ALG6: variants seen among roughly 807,000 people sequenced by gnomAD.
ALG6 encodes dolichyl pyrophosphate Man9GlcNAc2 alpha-1,3-glucosyltransferase.
A neutral mutation model predicts 66.6 loss-of-function variants in ALG6; 46 were observed. That is an observed-to-expected ratio of 0.69 (90% CI 0.55 to 0.88). ALG6 has a LOEUF of 0.88. Among genes scored for constraint, ALG6 ranks in the 40% least tolerant of loss-of-function variants. The probability of loss-of-function intolerance (pLI) is 0.00; values close to 1 mark genes in which losing one functional copy is unlikely to be tolerated. For missense variants in ALG6, 505 were observed against 586.8 expected (o/e 0.86, Z 1.44); for synonymous variants, 185 against 203.7 (o/e 0.91, Z 0.78).
At chr1:63,395,154 G>A (rs572602539) in intron 2 of ALG6, among the ~76,000 whole-genome samples, 2 of 152,136 alleles carry the variant, frequency 1.3e-5, no homozygotes, top group Admixed American at 6.6e-5. Context: ...GTGAGCCTCC[G>A]CGCCTGGCCA....
intron 7 of ALG6, 107 bp from the exon 8 acceptor site, chr1:63,411,039 A>G (rs1644513097): frequency 6.6e-6 from 7 of 1,064,278 alleles, no homozygotes; most frequent in Non-Finnish European, 4.2e-6. Context: ...CATAAGAGAT[A>G]TGCTATGAGC....
chr1:63,425,067 A>G (rs1416841043), intron 12 of ALG6, among the ~76,000 whole-genome samples: 1 of 152,192 alleles, frequency 6.6e-6, no homozygotes, highest in African/African-American at 2.4e-5. Flanking sequence ...GGCGTGAGCC[A>G]CTGTGCCCAG....
In ALG6 at chr1:63,402,296, G is replaced by T. The variant is rs771978951; in HGVS notation, c.210G>T (p.Leu70Phe). Residue 70 changes from leucine (L) to phenylalanine (F), a missense_variant, in exon 4 of 15, where the codon TTG (leucine) becomes TTT (phenylalanine). Physicochemically the swap from Leu to Phe is conservative, Grantham distance 22 (BLOSUM62 0). Coordinates refer to ENST00000263440, the MANE Select transcript of ALG6 (RefSeq NM_013339.4). ...ATAACAATTTACAGTATTGGGGATT[G>T]GATTACCCACCTCTTACAGCTTATC... Reference protein sequence around the residue: ...SSDNNLQYWGLDYPPLTAYHS... With the variant: ...SSDNNLQYWGFDYPPLTAYHS... 6.2e-7 allele frequency: 1 copy of T among 1,611,990 alleles called. No homozygotes were observed. Among genetic ancestry groups the T allele is most frequent in the East Asian group, 2.2e-5 (1 of 44,804 alleles).
intron 7 of ALG6, among the ~76,000 whole-genome samples, chr1:63,409,477 CT>C (rs139910074): frequency 1.3e-5 from 2 of 152,198 alleles, no homozygotes; most frequent in East Asian, 3.9e-4. Context: ...TTTTGCATCC[CT>C]TTCTCTTTTG....
Position 63,438,480 on chromosome 1 carries a change from TATAA to T in ALG6, c.*1465_*1468del, listed in dbSNP as rs1557600653. ...TGACTTAGATAAATGATGAGGAAGT[TATAA>T]ATAATTGGAGTAGCATAACTTTATT... On this transcript the variant is annotated 3_prime_UTR_variant, in exon 15 of 15. Transcript: ENST00000263440. 6.6e-6 allele frequency: 1 copy of T among 152,198 alleles called. No individual in the cohort carries two copies. Among genetic ancestry groups the T allele is most frequent in the Non-Finnish European group, 1.5e-5 (1 of 68,038 alleles). 9.4% of individuals were successfully genotyped at this position (152,198 alleles called of 1,614,324 possible).
intron 1 of ALG6, 62 bp from the exon 2 acceptor site, chr1:63,370,709 T>A (rs1647894378): frequency 2.4e-6 from 1 of 424,744 alleles, no homozygotes; most frequent in Non-Finnish European, 4.3e-6. Flanking sequence ...CTTGGTTTAC[T>A]GGGTTCATTG....
At chr1:63,373,788 T>C (rs1437706442) in intron 2 of ALG6, among the ~76,000 whole-genome samples, 1 of 151,264 alleles carries the variant, frequency 6.6e-6, no homozygotes, top group Admixed American at 6.6e-5. Context: ...GTCTGGCTAA[T>C]TGTTTTGATT....
intron 2 of ALG6, among the ~76,000 whole-genome samples, chr1:63,376,281 A>G (rs1248091863): frequency 6.6e-6 from 1 of 152,240 alleles, no homozygotes; most frequent in Admixed American, 6.5e-5. Context: ...AAACATAGAT[A>G]AGGTGCAGTT....
chr1:63,398,391 A>G (rs895613894), intron 3 of ALG6, among the ~76,000 whole-genome samples: 1 of 152,246 alleles, frequency 6.6e-6, no homozygotes, highest in African/African-American at 2.4e-5. Context: ...ACCCTGACCA[A>G]CATTTAGTAA....
chr1:63,393,042 T>C (rs1648718544), intron 2 of ALG6, among the ~76,000 whole-genome samples: 1 of 152,186 alleles, frequency 6.6e-6, no homozygotes, highest in Non-Finnish European at 1.5e-5. Context: ...TCTAGATAGT[T>C]GGATTTCTTC....
chr1:63,370,114 G>A (rs903113105), intron 1 of ALG6, among the ~76,000 whole-genome samples: 3 of 151,378 alleles, frequency 2.0e-5, no homozygotes, highest in Non-Finnish European at 2.9e-5. Context: ...CACCGCAACC[G>A]GCATCAATTT....
chr1:63,396,388 G>T (rs1648826534), intron 2 of ALG6, 125 bp from the exon 3 acceptor site: 1 of 801,384 alleles, frequency 1.2e-6, no homozygotes, highest in East Asian at 2.6e-5. Context: ...GACTTTCTCG[G>T]TAACTCCTGT....
rs121908444 is a variant in ALG6 at position 63,436,928 on chromosome 1, T to C, written c.1432T>C (p.Ser478Pro). 1.2e-6 allele frequency: 2 copies of C among 1,613,936 alleles called. No homozygotes were observed. Among genetic ancestry groups the C allele is most frequent in the Non-Finnish European group, 1.7e-6 (2 of 1,179,822 alleles). The change falls in exon 15 of 15, where the codon TCT (serine) becomes CCT (proline). Residue 478 changes from serine to proline, a missense_variant. Transcript: ENST00000263440. ...DLFSVLVCFV[S>P]CLNFLFFLVY... ...GTTTTCTGTATTGGTGTGTTTTGTA[T>C]CTTGCTTGAACTTCCTGTTCTTCTT...
At chr1:63,402,820 G>T (rs1257940987) in intron 4 of ALG6, among the ~76,000 whole-genome samples, 2 of 151,292 alleles carry the variant, frequency 1.3e-5, no homozygotes, top group Non-Finnish European at 3.0e-5. Context: ...CTATTGGCTG[G>T]GAGTGGTGGC....
chr1:63,381,612 T>C (rs923366989), intron 2 of ALG6, among the ~76,000 whole-genome samples: 6 of 148,094 alleles, frequency 4.1e-5, no homozygotes, highest in Non-Finnish European at 8.9e-5. Flanking sequence ...ACCACTGGAC[T>C]CCAGCCTGGG....
At chr1:63,381,660 A>G (rs942328475) in intron 2 of ALG6, among the ~76,000 whole-genome samples, 6 of 117,210 alleles carry the variant, frequency 5.1e-5, no homozygotes, top group Non-Finnish European at 6.9e-5. Flanking sequence ...AAAGAAAAGA[A>G]GGAAGGGAGG....
chr1:63,379,582 G>A (rs538617022), intron 2 of ALG6, among the ~76,000 whole-genome samples: 1 of 152,170 alleles, frequency 6.6e-6, no homozygotes, highest in East Asian at 1.9e-4. Context: ...GACCACCAGA[G>A]ATCATTGGAT....
At chr1:63,398,495 C>T (rs575263727) in intron 3 of ALG6, among the ~76,000 whole-genome samples, 4 of 152,090 alleles carry the variant, frequency 2.6e-5, no homozygotes, top group Non-Finnish European at 4.4e-5. Flanking sequence ...TTTTTTGAGA[C>T]GGAGTCTCGC....
chr1:63,435,763 T>C (rs1367380293), intron 14 of ALG6, among the ~76,000 whole-genome samples: 1 of 148,416 alleles, frequency 6.7e-6, no homozygotes, highest in African/African-American at 2.6e-5. Context: ...ATTCTGTTCC[T>C]CAGTCACAGT....
Sources: gnomAD v4.1 joint callset for allele counts (sites outside exome capture counted in the v4.1 genomes callset) on GRCh38, gnomAD v4.1.1 for gene constraint, MANE v1.5 for transcripts, NCBI Gene and HGNC (gene_info 2026-07-23, HGNC 2026-07-21) for gene names.